Variants in PPM1L observed in about 807,000 individuals in gnomAD.
PPM1L encodes the protein protein phosphatase 1L.
PPM1L carries 13 observed loss-of-function variants against 31.4 expected under a neutral mutation model. The observed-to-expected ratio is 0.41, with a 90% CI of 0.27 to 0.66. PPM1L has a LOEUF of 0.66. PPM1L is among the 30% of genes least tolerant of loss of function. The pLI is 0.29. For synonymous variants in PPM1L, 184 were observed against 175.4 expected, an observed-to-expected ratio of 1.05 and a Z score of -0.39; for missense variants, 326 against 453.7, an observed-to-expected ratio of 0.72 and a Z score of 2.56.
intron 1 of PPM1L, among the ~76,000 whole-genome samples, chr3:160,774,155 T>A (rs1711507275): frequency 6.6e-6 from 1 of 152,212 alleles, no homozygotes; most frequent in Admixed American, 6.5e-5. Context: ...ATTAATTTCC[T>A]CTCCAGAGTT....
At chr3:160,973,183 A>T (rs1249782824) in intron 2 of PPM1L, among the ~76,000 whole-genome samples, 1 of 152,254 alleles carries the variant, frequency 6.6e-6, no homozygotes, top group African/African-American at 2.4e-5. Flanking sequence ...ATTTAGAATC[A>T]GGAAGTGCCA....
chr3:160,919,629 TAATA>T (rs1714317846), intron 1 of PPM1L, among the ~76,000 whole-genome samples: 1 of 152,152 alleles, frequency 6.6e-6, no homozygotes. Flanking sequence ...CTGAATAGTC[TAATA>T]TATATAGTTA....
At chr3:160,835,086 T>TTCTTCTTCTTCTTC (rs11474788) in intron 1 of PPM1L, among the ~76,000 whole-genome samples, 1 of 106,220 alleles carries the variant, frequency 9.4e-6, no homozygotes, top group African/African-American at 3.8e-5. Context: ...CTTCTTCTTC[T>TTCTTCTTCTTCTTC]TTCTTTTTTC....
At chr3:160,828,255 C>A (rs2108095616) in intron 1 of PPM1L, among the ~76,000 whole-genome samples, 1 of 152,216 alleles carries the variant, frequency 6.6e-6, no homozygotes, top group Non-Finnish European at 1.5e-5. Flanking sequence ...TTACCTGCCA[C>A]TTTACCATGT....
chr3:160,950,006 T>A (rs919872983), intron 1 of PPM1L, among the ~76,000 whole-genome samples: 1 of 152,222 alleles, frequency 6.6e-6, no homozygotes, highest in African/African-American at 2.4e-5. Context: ...TAAGCTTTGA[T>A]GGCAGGTCTC....
At chr3:161,053,646 G>C (rs1353947976) in intron 2 of PPM1L, among the ~76,000 whole-genome samples, 1 of 152,138 alleles carries the variant, frequency 6.6e-6, no homozygotes, top group Non-Finnish European at 1.5e-5. Flanking sequence ...GTTGAATTAT[G>C]ACCCCCACCT....
Position 160,961,829 on chromosome 3 carries a change from T to C in PPM1L, c.493T>C (p.Tyr165His). 6.2e-7 allele frequency: 1 copy of C among 1,602,870 alleles called. No individual in the cohort carries two copies. Among genetic ancestry groups the C allele is most frequent in the Non-Finnish European group, 8.5e-7 (1 of 1,175,126 alleles). Residue 165 changes from tyrosine (Y) to histidine (H), a missense_variant, in exon 2 of 4, where the codon TAC becomes CAC. By Grantham distance (83) the Tyr-to-His change is moderately conservative. Around this residue, in one of 3 missense-constraint regions of PPM1L, gnomAD observed 201 missense variants for 298.2 expected, o/e 0.67. Coordinates refer to ENST00000498165, the MANE Select transcript of PPM1L (RefSeq NM_139245.4). ...EKDKENSVLS[Y>H]QTILEQQILS... The stretch of plus-strand genomic sequence containing the variant: ...AGACAAAGAAAATAGTGTATTATCT[T>C]ACCAGACCATCCTTGAACAGCAGAT...
intron 2 of PPM1L, among the ~76,000 whole-genome samples, chr3:160,977,755 A>T (rs1306845236): frequency 3.3e-5 from 5 of 152,234 alleles, no homozygotes; most frequent in Admixed American, 6.5e-5. Context: ...ACTAAAGTAT[A>T]ATAATATACT....
At chr3:160,894,269 A>G (rs1246864135) in intron 1 of PPM1L, among the ~76,000 whole-genome samples, 1 of 152,196 alleles carries the variant, frequency 6.6e-6, no homozygotes, top group East Asian at 1.9e-4. Context: ...TTCTGTTTCC[A>G]TTACAACCAC....
At chr3:160,896,372 C>A (rs1190490682) in intron 1 of PPM1L, among the ~76,000 whole-genome samples, 1 of 151,914 alleles carries the variant, frequency 6.6e-6, no homozygotes, top group Non-Finnish European at 1.5e-5. Context: ...TTTAAAAAAT[C>A]TATTTTCCAT....
intron 2 of PPM1L, among the ~76,000 whole-genome samples, chr3:160,964,628 T>C (rs1716074393): frequency 6.6e-6 from 1 of 152,028 alleles, no homozygotes; most frequent in African/African-American, 2.4e-5. Context: ...TGGCATACAG[T>C]GTTTGGGAAG....
chr3:160,828,890 A>C (rs145683004), intron 1 of PPM1L, among the ~76,000 whole-genome samples: 2 of 152,136 alleles, frequency 1.3e-5, no homozygotes, highest in African/African-American at 4.8e-5. Flanking sequence ...CAAATATCCA[A>C]ATATTCTGAG....
chr3:160,769,893 A>G (rs17236620), intron 1 of PPM1L, among the ~76,000 whole-genome samples: 7,374 of 152,040 alleles, frequency 0.049, 195 homozygotes, highest in South Asian at 0.064. Context: ...GAGGGGGACA[A>G]CCTCGCAATG....
At chr3:160,835,082 C>CTTCT (rs1553810701) in intron 1 of PPM1L, among the ~76,000 whole-genome samples, 3 of 141,666 alleles carry the variant, frequency 2.1e-5, no homozygotes, top group African/African-American at 5.6e-5. Flanking sequence ...TCTTCTTCTT[C>CTTCT]TTCTTTCTTT....
intron 2 of PPM1L, among the ~76,000 whole-genome samples, chr3:161,011,755 A>C (rs1284129427): frequency 6.6e-6 from 1 of 152,078 alleles, no homozygotes; most frequent in African/African-American, 2.4e-5. Flanking sequence ...TTGGATTCCT[A>C]GGTATTTTAT....
At chr3:160,928,677 C>T (rs888221444) in intron 1 of PPM1L, among the ~76,000 whole-genome samples, 11 of 152,206 alleles carry the variant, frequency 7.2e-5, no homozygotes, top group African/African-American at 2.4e-4. Context: ...GTCACCAGGG[C>T]AGAGCCCTCA....
intron 1 of PPM1L, among the ~76,000 whole-genome samples, chr3:160,777,459 C>T (rs1361052940): frequency 6.6e-6 from 1 of 152,140 alleles, no homozygotes; most frequent in African/African-American, 2.4e-5. Context: ...TATGCAATAG[C>T]TATCTAGAAG....
At chr3:160,869,686 A>G (rs562207921) in intron 1 of PPM1L, among the ~76,000 whole-genome samples, 5 of 151,794 alleles carry the variant, frequency 3.3e-5, no homozygotes, top group East Asian at 1.9e-4. Flanking sequence ...TAGAATAACA[A>G]TCTTTTATAG....
chr3:160,993,070 A>G (rs547246262), intron 2 of PPM1L, among the ~76,000 whole-genome samples: 1 of 151,288 alleles, frequency 6.6e-6, no homozygotes, highest in African/African-American at 2.5e-5. Flanking sequence ...TGGTGTTACA[A>G]CAAGGTTTTT....
Sources: allele counts gnomAD v4.1 joint callset (sites outside exome capture counted in the v4.1 genomes callset), GRCh38; gene constraint gnomAD v4.1.1; regional missense constraint gnomAD v4.1.1; transcripts MANE v1.5; gene names NCBI Gene and HGNC (gene_info 2026-07-23, HGNC 2026-07-21).